QARS1: variants seen among roughly 807,000 people sequenced by gnomAD.
QARS1 encodes the protein glutaminyl-tRNA synthetase 1.
QARS1 carries 79 observed loss-of-function variants against 106.9 expected under a neutral mutation model. The ratio of observed to expected loss-of-function variants is 0.74; its 90% CI spans 0.62 to 0.89. The LOEUF (loss-of-function observed/expected upper bound fraction) is 0.89. QARS1 is among the 40% of genes least tolerant of loss of function. QARS1 has a pLI of 0.00. For missense variants in QARS1, 966 were observed against 997.2 expected (o/e 0.97, Z 0.42); for synonymous variants, 395 against 367.7 (o/e 1.07, Z -0.85).
chr3:49,099,321 C>G, intron 17 of QARS1, 23 bp downstream of exon 17: 1 of 1,614,222 alleles, frequency 6.2e-7, no homozygotes, highest in Non-Finnish European at 8.5e-7. Flanking sequence ...CCCAATGTAT[C>G]TACCCAACCT....
chr3:49,101,821 C>T lies in QARS1; in HGVS notation c.703+7G>A, dbSNP rs748955518. ...GCCCTCCCCAGGGTTTTGACATGCC[C>T]ACTAACCAGGCTTGTGGAACTTAAG... On this transcript the variant is annotated splice_region_variant and intron_variant, in intron 8 of 23. Coordinates refer to ENST00000306125, the MANE Select transcript of QARS1 (RefSeq NM_005051.3). The T allele has an allele frequency of 3.7e-6, 6 of 1,611,306 alleles. No individual in the cohort carries two copies. The highest frequency in any genetic ancestry group is 1.7e-5 in the Admixed American group (1 of 59,636).
intron 4 of QARS1, 111 bp from the exon 5 acceptor site, chr3:49,103,520 C>T (rs2042498300): frequency 6.4e-7 from 1 of 1,568,202 alleles, no homozygotes; most frequent in Non-Finnish European, 8.8e-7. Context: ...TGAGCCCAGC[C>T]AGACCACTTT....
chr3:49,101,384 C>T lies in QARS1; in HGVS notation c.847G>A (p.Ala283Thr). Residue 283 changes from alanine to threonine, a missense_variant, in exon 10 of 24, where the codon GCC becomes ACC. Physicochemically the swap from Ala to Thr is moderately conservative, Grantham distance 58 (BLOSUM62 0). Transcript: ENST00000306125. Reference protein sequence around the residue: ...NGILHIGHAKAINFNFGYAKA... With the variant: ...NGILHIGHAKTINFNFGYAKA... ...GCATAGCCAAAGTTGAAATTGATGG[C>T]TTTGGCATGTCCAATATGCAGGATT... 6.2e-7 allele frequency: 1 copy of T among 1,614,114 alleles called. No individual in the cohort carries two copies. The highest frequency in any genetic ancestry group is 8.5e-7 in the Non-Finnish European group (1 of 1,179,968).
chr3:49,104,489 A>T lies in QARS1; in HGVS notation c.118-18T>A. On this transcript the variant is annotated intron_variant, in intron 1 of 23. Coordinates refer to ENST00000306125, the MANE Select transcript of QARS1 (RefSeq NM_005051.3). ...TGCTGAGCCTGAGGTCAGAGGGGTC[A>T]AGAGAGAAGCCCCGCGCTCAGTGAG... The T allele has an allele frequency of 6.8e-6, 11 of 1,613,390 alleles. No individual in the cohort carries two copies. The highest frequency in any genetic ancestry group is 9.3e-6 in the Non-Finnish European group (11 of 1,179,798).
intron 19 of QARS1, 69 bp from the exon 20 acceptor site, chr3:49,098,761 C>G (rs2042425826): frequency 6.6e-7 from 1 of 1,505,746 alleles, no homozygotes; most frequent in African/African-American, 1.4e-5. Context: ...CTTCCCTACC[C>G]CCGTGTCTGG....
At position 49,104,525 on chromosome 3, in the gene QARS1, G is replaced by A. The variant is rs1387290157; in HGVS notation, c.118-54C>T. ...CCCGCGCTCAGTGAGAGGAAAGGGC[G>A]GGACAAACGGGGCAGGTCGGGATCT... On this transcript the variant is annotated intron_variant, in intron 1 of 23. Coordinates refer to ENST00000306125, the MANE Select transcript of QARS1 (RefSeq NM_005051.3). 3.7e-6 allele frequency: 6 copies of A among 1,607,296 alleles called. No homozygotes were observed. In the Admixed American group the frequency reaches 6.7e-5, roughly 18 times the overall value.
At chr3:49,099,736 C>A in intron 15 of QARS1, 25 bp downstream of exon 15, 1 of 1,613,690 alleles carries the variant, frequency 6.2e-7, no homozygotes, top group South Asian at 1.1e-5. Context: ...CTGGCCCTAC[C>A]ACCCCATGGA....
rs777452461 is a variant in QARS1, at chr3:49,098,049, C to T, written c.2220G>A (p.Lys740=). ...CSVALAKPFD[K]FQFERLGYFS... ...AATATCCAAGACGCTCAAACTGGAA[C>T]TTGTCGAAGGGTTTTGCCAGGGCCA... The change falls in exon 23 of 24, where the codon AAG becomes AAA. Residue 740 remains lysine (K), a synonymous_variant. Coordinates refer to ENST00000306125, the MANE Select transcript of QARS1 (RefSeq NM_005051.3). 8.7e-6 allele frequency: 14 copies of T among 1,614,090 alleles called. No individual in the cohort carries two copies. Among genetic ancestry groups the T allele is most frequent in the Admixed American group, 1.7e-5 (1 of 60,010 alleles).
intron 23 of QARS1, among the ~76,000 whole-genome samples, chr3:49,096,443 A>C (rs1383414229): frequency 2.0e-5 from 3 of 151,506 alleles, no homozygotes; most frequent in Non-Finnish European, 4.4e-5. Flanking sequence ...ACAGGCAGAT[A>C]ATCTGAGGTC....
chr3:49,104,272 T>G, intron 2 of QARS1, 52 bp downstream of exon 2: 2 of 1,605,492 alleles, frequency 1.2e-6, no homozygotes. Flanking sequence ...GACAGGGGTC[T>G]TGGCTGAAGG....
chr3:49,102,257 T>C lies in QARS1; in HGVS notation c.579A>G (p.Lys193=). 1 of 1,614,212 alleles carries C rather than the reference T, an allele frequency of 6.2e-7. No individual in the cohort carries two copies. The highest frequency in any genetic ancestry group is 2.2e-5 in the East Asian group (1 of 44,880). The change falls in exon 7 of 24, where the codon AAA becomes AAG. Residue 193 remains lysine, a synonymous_variant. Transcript: ENST00000306125. ...TCCGGTCTGTTTCTTCTAGCCGAGC[T>C]TTTGCCACCTGAAAGAAGCCCCAGG... ...ADLEKKFKVA[K]ARLEETDRRT...
rs778303235 is a variant in QARS1, at chr3:49,098,907, A to G, written c.1841T>C (p.Ile614Thr). ...TACCTCCTTGAAGTCAGTCCTCTCAATGAAGACAATGGGTGCAAAGGGAAC... is the reference window on the plus strand; with the variant it reads ...TACCTCCTTGAAGTCAGTCCTCTCAGTGAAGACAATGGGTGCAAAGGGAAC... ...HQVPFAPIVF[I>T]ERTDFKEEPE... The change falls in exon 19 of 24, where the codon ATT becomes ACT. Residue 614 changes from isoleucine (I) to threonine (T), a missense_variant. Transcript: ENST00000306125. 3.7e-6 allele frequency: 6 copies of G among 1,613,834 alleles called. No individual in the cohort carries two copies. Among genetic ancestry groups the G allele is most frequent in the Admixed American group, 1.7e-5 (1 of 60,018 alleles).
In QARS1 at chr3:49,099,783, A is replaced by AGAGT. The variant is rs747938605; in HGVS notation, c.1362_1365dup (p.Cys456ThrfsTer42). 5 of 1,614,052 alleles carry AGAGT rather than the reference A, an allele frequency of 3.1e-6. No individual in the cohort carries two copies. Among genetic ancestry groups the AGAGT allele is most frequent in the Non-Finnish European group, 4.2e-6 (5 of 1,180,014 alleles). On this transcript the variant is annotated frameshift_variant, in exon 15 of 24. Coordinates refer to ENST00000306125, the MANE Select transcript of QARS1 (RefSeq NM_005051.3). LOFTEE classifies it high-confidence loss of function. ...CACCGGGCCTGGAATTCCTTGGTGC[A>AGAGT]GAGTGAGTGAGTGATGTGCTCGATG...
chr3:49,100,771 GA>G, intron 10 of QARS1, 97 bp from the exon 11 acceptor site: 1 of 1,102,426 alleles, frequency 9.1e-7, no homozygotes, highest in East Asian at 2.4e-5. Flanking sequence ...TCTCATGTCA[GA>G]ATTTTCTTTT....
intron 15 of QARS1, 53 bp downstream of exon 15, chr3:49,099,708 A>T (rs1235459145): frequency 6.2e-7 from 1 of 1,613,474 alleles, no homozygotes; most frequent in East Asian, 2.2e-5. Context: ...GACCACAGGA[A>T]GGGCTGCTGG....
chr3:49,099,393 AG>A lies in QARS1; in HGVS notation c.1564del (p.Leu522CysfsTer20). 3.1e-6 allele frequency: 5 copies of A among 1,614,208 alleles called. No individual in the cohort carries two copies. The highest frequency in any genetic ancestry group is 4.2e-6 in the Non-Finnish European group (5 of 1,180,028). Reference sequence around the variant, plus strand: ...CTCAGGTGGGAAGCCCCGCCGTCGCAGGGCCGTGAGTGTAAAGAGCCGTGGG... The same window carrying A: ...CTCAGGTGGGAAGCCCCGCCGTCGCAGGCCGTGAGTGTAAAGAGCCGTGGG... The part of the protein sequence containing the change: ...DDPRLFTLTA[L>X]RRRGFPPEAI... On this transcript the variant is annotated frameshift_variant, in exon 17 of 24. Transcript: ENST00000306125. LOFTEE classifies it high-confidence loss of function.
At position 49,103,339 on chromosome 3, in the gene QARS1, G is replaced by A. The variant is rs779456780; in HGVS notation, c.516+6C>T. ...TGCCAGCTTCAGCTTAGTGAAGCAC[G>A]CTCACCTGCATGTCCACTTCATTCT... On this transcript the variant is annotated splice_donor_region_variant and intron_variant, in intron 5 of 23. Coordinates refer to ENST00000306125, the MANE Select transcript of QARS1 (RefSeq NM_005051.3). 1.1e-5 allele frequency: 18 copies of A among 1,613,576 alleles called. 1 individual carries two copies. The highest frequency in any genetic ancestry group is 7.7e-5 in the South Asian group (7 of 91,078).
intron 2 of QARS1, 143 bp downstream of exon 2, chr3:49,104,181 A>G (rs2042508127): frequency 7.6e-7 from 1 of 1,310,960 alleles, no homozygotes; most frequent in Admixed American, 1.7e-5. Context: ...CAGTCTCACC[A>G]TAGGCCACCC....
At chr3:49,103,531 A>C in intron 4 of QARS1, 100 bp downstream of exon 4, 1 of 1,561,076 alleles carries the variant, frequency 6.4e-7, no homozygotes, top group Non-Finnish European at 8.8e-7. Flanking sequence ...AGACCACTTT[A>C]AGTCACTCCT....
Sources: allele counts gnomAD v4.1 joint callset (sites outside exome capture counted in the v4.1 genomes callset), GRCh38; gene constraint gnomAD v4.1.1; transcripts MANE v1.5; gene names NCBI Gene and HGNC (gene_info 2026-07-23, HGNC 2026-07-21).